The following ETV1 variants were observed in gnomAD, a reference collection of about 807,000 sequenced individuals.
ETV1 encodes ETS variant transcription factor 1.
A neutral mutation model predicts 62.3 loss-of-function variants in ETV1; 27 were observed. That is an observed-to-expected ratio of 0.43 (90% CI 0.32 to 0.60). ETV1 has a LOEUF of 0.60. ETV1 is among the 20% of genes least tolerant of loss of function. ETV1 has a pLI of 0.06. For missense variants in ETV1, 605 were observed against 605.8 expected (o/e 1.00, Z 0.01); for synonymous variants, 222 against 199.6 (o/e 1.11, Z -0.94).
chr7:13,977,326 G>A, intron 6 of ETV1, 101 bp downstream of exon 6: 1 of 748,248 alleles, frequency 1.3e-6, no homozygotes, highest in Non-Finnish European at 2.2e-6. Flanking sequence ...CTGGTACAAT[G>A]TAAGACAAGA....
rs192387875 is a variant in ETV1 at position 13,937,276 on chromosome 7, T to C, written c.366-1380A>G. Among the ~76,000 whole-genome samples the C allele has an allele frequency of 2.6e-5, 4 of 152,360 alleles. No individual in the cohort carries two copies. The East Asian group carries it at 7.7e-4, about 29-fold the overall frequency. On this transcript the variant is annotated intron_variant, in intron 7 of 13. Coordinates refer to ENST00000430479, the MANE Select transcript of ETV1 (RefSeq NM_004956.5). ...AGTGTTCATATAATGAATTGCATGT[T>C]TGGTTCCACCTATGTTCTTTACCAG... is the stretch of plus-strand genomic sequence containing the variant.
At chr7:13,975,885 G>A (rs1764060321) in intron 6 of ETV1, among the ~76,000 whole-genome samples, 1 of 152,122 alleles carries the variant, frequency 6.6e-6, no homozygotes, top group African/African-American at 2.4e-5. Context: ...CAATTACTTT[G>A]GATGTAAAAT....
intron 6 of ETV1, among the ~76,000 whole-genome samples, chr7:13,941,090 A>G (rs1022360788): frequency 1.1e-4 from 16 of 152,324 alleles, no homozygotes; most frequent in African/African-American, 3.4e-4. Context: ...AATTTTGTCT[A>G]TCTCCATATA....
intron 5 of ETV1, among the ~76,000 whole-genome samples, chr7:13,984,751 T>C (rs1413572720): frequency 2.0e-5 from 3 of 151,982 alleles, no homozygotes; most frequent in African/African-American, 7.2e-5. Flanking sequence ...TTCTTCCAAA[T>C]ACACTGATCA....
Position 13,895,933 on chromosome 7 carries a change from C to A in ETV1, c.1367G>T (p.Ser456Ile). 6.2e-7 allele frequency: 1 copy of A among 1,613,710 alleles called. No homozygotes were observed. The highest frequency in any genetic ancestry group is 8.5e-7 in the Non-Finnish European group (1 of 1,179,800). Residue 456 changes from serine to isoleucine, a missense_variant, in exon 14 of 14, where the codon AGC (serine) becomes ATC (isoleucine). Physicochemically the swap from Ser to Ile is moderately radical, Grantham distance 142 (BLOSUM62 -2). Coordinates refer to ENST00000430479, the MANE Select transcript of ETV1 (RefSeq NM_004956.5). ...GCCCCCTTCCGGCATGTAGGCCATG[C>A]TCTCATCAAAGTGAGAAAGAGGCAC... is the stretch of plus-strand genomic sequence containing the variant. The part of the protein sequence containing the change: ...DTVPLSHFDE[S>I]MAYMPEGGCC...
rs555086300 is a variant in ETV1, at chr7:13,988,785, A to G, written c.45+223T>C. On this transcript the variant is annotated intron_variant, in intron 3 of 13. Transcript: ENST00000430479. Reference sequence around the variant, plus strand: ...CACTCATGTTGGGCACTTTAATCAGAAAAAGGGGTCTTAAAAACAAAACTA... The same window carrying G: ...CACTCATGTTGGGCACTTTAATCAGGAAAAGGGGTCTTAAAAACAAAACTA... 4.0e-5 allele frequency: 65 copies of G among 1,607,160 alleles called. No homozygotes were observed. In the East Asian group the frequency reaches 1.3e-3, roughly 33 times the overall value.
chr7:13,917,840 A>G (rs968682196), intron 9 of ETV1, among the ~76,000 whole-genome samples: 2 of 151,722 alleles, frequency 1.3e-5, no homozygotes, highest in Non-Finnish European at 2.9e-5. Flanking sequence ...GGCGGGCACC[A>G]GTAGTCCCAG....
rs199887839 is a variant in ETV1 at position 13,979,596 on chromosome 7, G to A, written c.182-2116C>T. 1.3e-4 allele frequency among the ~76,000 whole-genome samples: 20 copies of A among 152,110 alleles called. No individual in the cohort carries two copies. In the East Asian group the frequency reaches 1.5e-3, roughly 12 times the overall value. ...CAGCAAGTACACAGATTCAAATCCTGCACATTTTTCCCATTATATCATTGT... is the reference window on the plus strand; with the variant it reads ...CAGCAAGTACACAGATTCAAATCCTACACATTTTTCCCATTATATCATTGT... On this transcript the variant is annotated intron_variant, in intron 5 of 13. Coordinates refer to ENST00000430479, the MANE Select transcript of ETV1 (RefSeq NM_004956.5).
At chr7:13,990,763 A>AG (rs1161460967), upstream of ETV1, 2 of 152,228 alleles carry the variant, frequency 1.3e-5, no homozygotes, top group Non-Finnish European at 2.9e-5. Flanking sequence ...AGCGGACGGG[A>AG]GGCCGCGGGG....
chr7:13,927,408 C>T (rs1393869696), intron 9 of ETV1, among the ~76,000 whole-genome samples: 2 of 152,154 alleles, frequency 1.3e-5, no homozygotes, highest in East Asian at 1.9e-4. Flanking sequence ...GCCGAAATCA[C>T]ACCACTGCAC....
At position 13,900,749 on chromosome 7, in the gene ETV1, T is replaced by C; in HGVS notation, c.1201A>G (p.Ile401Val). Reference sequence around the variant, plus strand: ...TATTAGCTGCTCACCTTTTGCATAATTCCTTTCTCATAGTAATAGCGGAGT... The same window carrying C: ...TATTAGCTGCTCACCTTTTGCATAACTCCTTTCTCATAGTAATAGCGGAGT... Reference protein sequence around the residue: ...RSLRYYYEKGIMQKVAGERYV... With the variant: ...RSLRYYYEKGVMQKVAGERYV... The change falls in exon 13 of 14, where the codon ATT becomes GTT. Residue 401 changes from isoleucine (I) to valine (V), a missense_variant. Transcript: ENST00000430479. 3 of 1,606,060 alleles carry C rather than the reference T, an allele frequency of 1.9e-6. No homozygotes were observed. The highest frequency in any genetic ancestry group is 2.6e-6 in the Non-Finnish European group (3 of 1,175,172).
In ETV1 at chr7:13,895,902, G is replaced by A. The variant is rs1356728942; in HGVS notation, c.1398C>T (p.Cys466=). ...AGCCTTCGTTGTAGGGGTGGGGGTT[G>A]CAGCAGCCCCCTTCCGGCATGTAGG... ...SMAYMPEGGC[C]NPHPYNEGYV... Residue 466 remains cysteine (C), a synonymous_variant, in exon 14 of 14, where the codon TGC becomes TGT. Coordinates refer to ENST00000430479, the MANE Select transcript of ETV1 (RefSeq NM_004956.5). 6.2e-7 allele frequency: 1 copy of A among 1,613,724 alleles called. No homozygotes were observed. The highest frequency in any genetic ancestry group is 8.5e-7 in the Non-Finnish European group (1 of 1,179,788).
chr7:13,905,179 C>G (rs1332287650), intron 12 of ETV1, among the ~76,000 whole-genome samples: 1 of 151,886 alleles, frequency 6.6e-6, no homozygotes, highest in Non-Finnish European at 1.5e-5. Flanking sequence ...GTAAACTTAT[C>G]TTCTGGGCAT....
At chr7:13,918,874 T>A (rs867300398) in intron 9 of ETV1, among the ~76,000 whole-genome samples, 112 of 141,586 alleles carry the variant, frequency 7.9e-4, no homozygotes, top group South Asian at 8.9e-4. Context: ...TAAAGTATAA[T>A]AAAAAAAAAA....
intron 7 of ETV1, 114 bp from the exon 8 acceptor site, chr7:13,936,010 A>G: frequency 1.2e-6 from 1 of 818,208 alleles, no homozygotes; most frequent in Non-Finnish European, 1.9e-6. Flanking sequence ...ATGGAAATGA[A>G]AACTTTGTTG....
chr7:13,900,207 A>C (rs17735690), intron 13 of ETV1, among the ~76,000 whole-genome samples: 58,134 of 152,074 alleles, frequency 0.38, 11,366 homozygotes, highest in South Asian at 0.4. Flanking sequence ...GAACTTCCAC[A>C]AACCAAATAA....
chr7:13,955,716 G>A (rs1789356116), intron 6 of ETV1, among the ~76,000 whole-genome samples: 1 of 152,158 alleles, frequency 6.6e-6, no homozygotes, highest in South Asian at 2.1e-4. Flanking sequence ...ATCAGTGAAT[G>A]CACAGATCAC....
intron 9 of ETV1, among the ~76,000 whole-genome samples, chr7:13,924,734 C>T (rs1785214607): frequency 6.6e-6 from 1 of 152,174 alleles, no homozygotes; most frequent in Admixed American, 6.5e-5. Flanking sequence ...GTTTTGGCTG[C>T]TTCACAATAT....
At chr7:13,963,562 C>A (rs1169718806) in intron 6 of ETV1, among the ~76,000 whole-genome samples, 1 of 151,182 alleles carries the variant, frequency 6.6e-6, no homozygotes, top group Non-Finnish European at 1.5e-5. Flanking sequence ...CACACACACA[C>A]CTATACGTAT....
Sources: allele counts gnomAD v4.1 joint callset (sites outside exome capture counted in the v4.1 genomes callset), GRCh38; gene constraint gnomAD v4.1.1; transcripts MANE v1.5; gene names NCBI Gene and HGNC (gene_info 2026-07-23, HGNC 2026-07-21).